Variants in CSMD1 observed in about 807,000 individuals in gnomAD.
CSMD1 encodes CUB and sushi domain-containing protein 1.
Under a neutral mutation model 417.5 loss-of-function variants are expected in CSMD1, and 213 were observed. The ratio of observed to expected loss-of-function variants is 0.51; its 90% CI spans 0.46 to 0.57. CSMD1 has a LOEUF of 0.57. Ranked by LOEUF, CSMD1 falls within the 20% of genes least tolerant of loss-of-function variation. CSMD1 has a pLI of 0.00. For synonymous variants in CSMD1, 2,862 were observed against 1,736.8 expected (o/e 1.65, Z -16.11); for missense variants, 6,923 against 4,529.7 (o/e 1.53, Z -15.17).
At chr8:4,764,871 T>TCAAAAAAACAAAAA (rs1388432463) in intron 1 of CSMD1, among the ~76,000 whole-genome samples, 18 of 21,382 alleles carry the variant, frequency 8.4e-4, no homozygotes, top group African/African-American at 4.4e-3. Flanking sequence ...AGACTCCATC[T>TCAAAAAAACAAAAA]CAAAAAAAAA....
chr8:3,286,339 C>G lies in CSMD1; in HGVS notation c.3951-1993G>C, dbSNP rs187893325. Among the ~76,000 whole-genome samples, 500 of 152,182 alleles carry G rather than the reference C, an allele frequency of 3.3e-3. 2 individuals carry two copies. The highest frequency in any genetic ancestry group is 5.4e-3 in the Non-Finnish European group (369 of 68,012). On this transcript the variant is annotated intron_variant, in intron 25 of 69. Transcript: ENST00000635120. ...TGATTTATAATCCTTTGGGTATATA[C>G]CCAGTAATGGGATGGCTGGGTCAAA...
rs187610887 is a variant in CSMD1, at chr8:3,963,810, A to T, written c.818+34093T>A. Reference sequence around the variant, plus strand: ...GTCAGACAGAAACTTAATATTTTGAAATAAAATCAACATCAAATGTAAATA... The same window carrying T: ...GTCAGACAGAAACTTAATATTTTGATATAAAATCAACATCAAATGTAAATA... On this transcript the variant is annotated intron_variant, in intron 5 of 69. Transcript: ENST00000635120. 1.2e-3 allele frequency among the ~76,000 whole-genome samples: 177 copies of T among 152,318 alleles called. 2 individuals carry two copies. The highest frequency in any genetic ancestry group is 1.4e-3 in the Non-Finnish European group (95 of 68,028).
At chr8:4,565,333 T>G (rs570232631) in intron 2 of CSMD1, among the ~76,000 whole-genome samples, 2 of 152,318 alleles carry the variant, frequency 1.3e-5, no homozygotes, top group Admixed American at 1.3e-4. Context: ...GGCTAACCAG[T>G]CTGCCTAAAA....
At chr8:3,633,303 G>A (rs1387202548) in intron 7 of CSMD1, among the ~76,000 whole-genome samples, 3 of 152,178 alleles carry the variant, frequency 2.0e-5, no homozygotes, top group Non-Finnish European at 4.4e-5. Context: ...ATACTCAGAA[G>A]TGCATCGTGT....
At chr8:3,405,531 C>T (rs1253307934) in intron 15 of CSMD1, among the ~76,000 whole-genome samples, 1 of 152,190 alleles carries the variant, frequency 6.6e-6, no homozygotes, top group Non-Finnish European at 1.5e-5. Context: ...GAGGTCCTAA[C>T]CCTCAGCGCC....
intron 1 of CSMD1, among the ~76,000 whole-genome samples, chr8:4,739,440 GAA>G (rs1169543166): frequency 1.3e-5 from 2 of 152,184 alleles, no homozygotes; most frequent in African/African-American, 2.4e-5. Context: ...AATATAAAGA[GAA>G]AAGGTCATGT....
At chr8:4,944,763 G>A (rs565175625) in intron 1 of CSMD1, among the ~76,000 whole-genome samples, 4 of 152,196 alleles carry the variant, frequency 2.6e-5, no homozygotes, top group East Asian at 3.9e-4. Context: ...TGTTGGCGAG[G>A]ATGTAAAGGG....
At chr8:4,190,997 G>C (rs951832854) in intron 3 of CSMD1, among the ~76,000 whole-genome samples, 6 of 152,022 alleles carry the variant, frequency 3.9e-5, no homozygotes, top group East Asian at 1.9e-4. Flanking sequence ...ATGGATACTA[G>C]ACTTAGTACT....
intron 6 of CSMD1, among the ~76,000 whole-genome samples, chr8:3,713,447 C>G (rs1801642732): frequency 6.6e-6 from 1 of 152,102 alleles, no homozygotes; most frequent in Non-Finnish European, 1.5e-5. Flanking sequence ...GCGTCCTGCC[C>G]TCCTCTGTAG....
At chr8:3,061,248 T>G (rs900065863) in intron 49 of CSMD1, among the ~76,000 whole-genome samples, 1 of 152,012 alleles carries the variant, frequency 6.6e-6, no homozygotes, top group Non-Finnish European at 1.5e-5. Flanking sequence ...AGATGTACAG[T>G]TTACAAAGCA....
At chr8:3,992,797 A>G (rs1294622926) in intron 5 of CSMD1, among the ~76,000 whole-genome samples, 1 of 152,238 alleles carries the variant, frequency 6.6e-6, no homozygotes, top group African/African-American at 2.4e-5. Context: ...AAAAAATTAT[A>G]AAGGAAAGCA....
intron 1 of CSMD1, among the ~76,000 whole-genome samples, chr8:4,915,375 C>T (rs58937931): frequency 1.3e-5 from 2 of 152,182 alleles, no homozygotes; most frequent in African/African-American, 2.4e-5. Flanking sequence ...GTCTGACAAT[C>T]GTAGATTCTG....
intron 21 of CSMD1, among the ~76,000 whole-genome samples, chr8:3,353,964 G>A (rs539157941): frequency 3.3e-5 from 5 of 152,220 alleles, no homozygotes; most frequent in African/African-American, 4.8e-5. Flanking sequence ...GTCTCAGTCT[G>A]CTTGGCCTGC....
At position 4,983,059 on chromosome 8, in the gene CSMD1, G is replaced by A. The variant is rs1810984625; in HGVS notation, c.85+11273C>T. Among the ~76,000 whole-genome samples, 5 of 152,066 alleles carry A rather than the reference G, an allele frequency of 3.3e-5. No homozygotes were observed. In the South Asian group the frequency reaches 8.3e-4, roughly 25 times the overall value. ...TAATATTAAATTATTGTCACCAGAA[G>A]AAAAAAATGCAAACATCTCAGATAA... On this transcript the variant is annotated intron_variant, in intron 1 of 69. Transcript: ENST00000635120.
chr8:3,919,070 T>G (rs1247206492), intron 5 of CSMD1, among the ~76,000 whole-genome samples: 1 of 151,922 alleles, frequency 6.6e-6, no homozygotes, highest in Non-Finnish European at 1.5e-5. Flanking sequence ...TTTCTCCCAT[T>G]CCATAGGGTG....
chr8:4,176,396 T>C (rs1192104697), intron 3 of CSMD1, among the ~76,000 whole-genome samples: 1 of 152,136 alleles, frequency 6.6e-6, no homozygotes, highest in Non-Finnish European at 1.5e-5. Flanking sequence ...ATTCTCATTT[T>C]TCCCTTTTCT....
intron 3 of CSMD1, among the ~76,000 whole-genome samples, chr8:4,336,231 C>T (rs1387139993): frequency 6.6e-6 from 1 of 152,158 alleles, no homozygotes; most frequent in African/African-American, 2.4e-5. Context: ...CCTGTAGGTT[C>T]AAGACCCTTT....
chr8:4,604,339 TATATA>T (rs1434317684), intron 2 of CSMD1, among the ~76,000 whole-genome samples: 3 of 150,946 alleles, frequency 2.0e-5, no homozygotes, highest in South Asian at 4.2e-4. Flanking sequence ...ATACAATATA[TATATA>T]ATATATTATT....
At chr8:3,542,938 T>C (rs1015036416) in intron 10 of CSMD1, among the ~76,000 whole-genome samples, 1 of 150,720 alleles carries the variant, frequency 6.6e-6, no homozygotes, top group Non-Finnish European at 1.5e-5. Context: ...CTCCTGAGAC[T>C]TGGGGGACCC....
Sources: allele counts gnomAD v4.1 joint callset (sites outside exome capture counted in the v4.1 genomes callset), GRCh38; gene constraint gnomAD v4.1.1; transcripts MANE v1.5; gene names NCBI Gene and HGNC (gene_info 2026-07-23, HGNC 2026-07-21).